Variants in CALD1 observed in about 807,000 individuals in gnomAD.
CALD1 encodes the protein caldesmon.
Under a neutral mutation model 99.9 loss-of-function variants are expected in CALD1, and 33 were observed. The observed-to-expected ratio is 0.33, with a 90% CI of 0.25 to 0.44. The LOEUF (loss-of-function observed/expected upper bound fraction) is 0.44, where lower values mean the gene tolerates loss of function less well. Among genes scored for constraint, CALD1 ranks in the 20% least tolerant of loss-of-function variants. The probability of loss-of-function intolerance (pLI) is 1.00; values close to 1 mark genes in which losing one functional copy is unlikely to be tolerated. For synonymous variants in CALD1, 310 were observed against 325.0 expected, an observed-to-expected ratio of 0.95 and a Z score of 0.50; for missense variants, 861 against 962.1, an observed-to-expected ratio of 0.89 and a Z score of 1.39.
At chr7:134,932,398 A>G (rs1220868090) in intron 4 of CALD1, among the ~76,000 whole-genome samples, 1 of 152,254 alleles carries the variant, frequency 6.6e-6, no homozygotes, top group African/African-American at 2.4e-5. Flanking sequence ...GGAGAATACT[A>G]CATGACATGG....
In CALD1 at chr7:134,941,084, T is replaced by C. The variant is rs377265280; in HGVS notation, c.1387-8T>C. ...TTCTGTTTCTTCCTGATATGTACTGTTGGTTAGATCAAAGATGAAAAGATT... is the reference window on the plus strand; with the variant it reads ...TTCTGTTTCTTCCTGATATGTACTGCTGGTTAGATCAAAGATGAAAAGATT... On this transcript the variant is annotated splice_polypyrimidine_tract_variant and splice_region_variant and intron_variant, in intron 6 of 14. Coordinates refer to ENST00000361675, the MANE Select transcript of CALD1 (RefSeq NM_033138.4). 42 of 1,602,824 alleles carry C rather than the reference T, an allele frequency of 2.6e-5. No individual in the cohort carries two copies. In the South Asian group the frequency reaches 3.2e-4, roughly 12 times the overall value.
At chr7:134,767,713 A>G (rs962658125) in intron 1 of CALD1, among the ~76,000 whole-genome samples, 20 of 152,298 alleles carry the variant, frequency 1.3e-4, no homozygotes, top group African/African-American at 4.8e-4. Flanking sequence ...TGCAGAGCCA[A>G]ATGGTCTCTC....
chr7:134,733,472 C>T, the CALD1 span, among the ~76,000 whole-genome samples: 9 of 152,144 alleles, frequency 5.9e-5, no homozygotes, highest in African/African-American at 1.7e-4. Flanking sequence ...ATATTTTGTA[C>T]GTCTTTTTAT....
At chr7:134,719,287 TAGAA>T in the CALD1 span, among the ~76,000 whole-genome samples, 1 of 151,034 alleles carries the variant, frequency 6.6e-6, no homozygotes, top group African/African-American at 2.4e-5. Context: ...AAGAAAAAAA[TAGAA>T]AGAGGAGAGA....
chr7:134,920,788 T>A (rs1804560218), intron 3 of CALD1: 1 of 787,344 alleles, frequency 1.3e-6, no homozygotes, highest in Non-Finnish European at 1.9e-6. Context: ...GTGAGTTTAT[T>A]TGATCTGTTG....
intron 1 of CALD1, among the ~76,000 whole-genome samples, chr7:134,808,103 C>CTT (rs35834412): frequency 6.3e-5 from 9 of 142,250 alleles, no homozygotes; most frequent in Non-Finnish European, 1.1e-4. Context: ...CCCATTCCAT[C>CTT]TTTTTTTTTT....
intron 1 of CALD1, among the ~76,000 whole-genome samples, chr7:134,754,075 T>C (rs942965892): frequency 4.6e-5 from 7 of 152,170 alleles, no homozygotes; most frequent in African/African-American, 1.7e-4. Context: ...TGAGATGAAG[T>C]CCCAGCCCAT....
At chr7:134,881,353 T>G (rs1403333888) in intron 3 of CALD1, among the ~76,000 whole-genome samples, 1 of 152,170 alleles carries the variant, frequency 6.6e-6, no homozygotes, top group Non-Finnish European at 1.5e-5. Context: ...ATTATCACAT[T>G]AGAGCTAAAT....
the CALD1 span, among the ~76,000 whole-genome samples, chr7:134,721,498 T>C: frequency 6.6e-6 from 1 of 152,108 alleles, no homozygotes; most frequent in Non-Finnish European, 1.5e-5. Flanking sequence ...TTTCTACTGT[T>C]CTACTGCTGG....
At chr7:134,878,550 T>A (rs1394515664) in intron 3 of CALD1, among the ~76,000 whole-genome samples, 5 of 152,062 alleles carry the variant, frequency 3.3e-5, no homozygotes, top group Non-Finnish European at 7.4e-5. Context: ...GCCTGGGTGA[T>A]AGAGCGAGAC....
chr7:134,715,899 C>T, the CALD1 span, among the ~76,000 whole-genome samples: 61 of 152,260 alleles, frequency 4.0e-4, no homozygotes, highest in African/African-American at 1.4e-3. Flanking sequence ...GTACTTCATG[C>T]AGTAAAAATT....
chr7:134,853,373 C>T (rs1417307810), intron 2 of CALD1, among the ~76,000 whole-genome samples: 1 of 152,182 alleles, frequency 6.6e-6, no homozygotes, highest in African/African-American at 2.4e-5. Context: ...ATACAAACTC[C>T]AGTCTTATAA....
At chr7:134,817,012 T>C (rs145782011) in intron 1 of CALD1, among the ~76,000 whole-genome samples, 255 of 152,348 alleles carry the variant, frequency 1.7e-3, no homozygotes, top group African/African-American at 5.9e-3. Context: ...ATAATAGTAT[T>C]GTAGAGCACA....
At position 134,969,734 on chromosome 7, in the gene CALD1, T is replaced by C. The variant is rs1263317011; in HGVS notation, c.*1389T>C. On this transcript the variant is annotated 3_prime_UTR_variant, in exon 15 of 15. Transcript: ENST00000361675. Reference sequence around the variant, plus strand: ...GTTTTACTTTCTCCCCCAAGTCTTTTTTAACTCATGATTTTTACACACACA... The same window carrying C: ...GTTTTACTTTCTCCCCCAAGTCTTTCTTAACTCATGATTTTTACACACACA... 1 of 152,292 alleles carries C rather than the reference T, an allele frequency of 6.6e-6. No homozygotes were observed. Among genetic ancestry groups the C allele is most frequent in the African/African-American group, 2.4e-5 (1 of 41,470 alleles). The allele number at this position is 152,292 out of a possible 1,614,324, so 9.4% of individuals were successfully genotyped here. A position where few individuals can be genotyped will look rare whatever the true frequency, so the allele number is the denominator to read the frequency against.
chr7:134,732,686 C>A, the CALD1 span, among the ~76,000 whole-genome samples: 1 of 152,222 alleles, frequency 6.6e-6, no homozygotes, highest in African/African-American at 2.4e-5. Flanking sequence ...AGGTTCTCTA[C>A]CTCTGTCCCC....
intron 9 of CALD1, among the ~76,000 whole-genome samples, chr7:134,957,290 A>G (rs1807848359): frequency 6.6e-6 from 1 of 152,236 alleles, no homozygotes; most frequent in Non-Finnish European, 1.5e-5. Flanking sequence ...ATCCTGTTAC[A>G]TACCAAATAC....
At chr7:134,828,198 C>T (rs71530949) in intron 1 of CALD1, among the ~76,000 whole-genome samples, 5,715 of 152,224 alleles carry the variant, frequency 0.038, 126 homozygotes, top group Non-Finnish European at 0.052. Flanking sequence ...GCCAATATCG[C>T]GGCTGGTGTA....
chr7:134,720,016 C>T, the CALD1 span, among the ~76,000 whole-genome samples: 2 of 152,118 alleles, frequency 1.3e-5, no homozygotes, highest in Non-Finnish European at 1.5e-5. Context: ...TCTTAACCCC[C>T]GCTTTGGTTA....
chr7:134,857,980 A>C (rs1444884817), intron 2 of CALD1, among the ~76,000 whole-genome samples: 1 of 152,114 alleles, frequency 6.6e-6, no homozygotes, highest in Admixed American at 6.5e-5. Flanking sequence ...ATCCTACTTT[A>C]TATTAGCAAG....
Sources: gnomAD v4.1 joint callset for allele counts (sites outside exome capture counted in the v4.1 genomes callset) on GRCh38, gnomAD v4.1.1 for gene constraint, MANE v1.5 for transcripts, NCBI Gene and HGNC (gene_info 2026-07-23, HGNC 2026-07-21) for gene names.